The following DOK3 variants were observed in gnomAD, a reference collection of about 807,000 sequenced individuals.
The protein encoded by DOK3 is docking protein 3, also known as Dok-like protein.
A neutral mutation model predicts 26.2 loss-of-function variants in DOK3; 23 were observed. That is an observed-to-expected ratio of 0.88 (90% CI 0.63 to 1.24). The LOEUF is 1.24. DOK3 is among the 50% of genes most tolerant of loss of function. The probability of loss-of-function intolerance (pLI) is 0.00; values close to 1 mark genes in which losing one functional copy is unlikely to be tolerated. For missense variants in DOK3, 619 were observed against 610.6 expected, an observed-to-expected ratio of 1.01 and a Z score of -0.15; for synonymous variants, 268 against 268.2, an observed-to-expected ratio of 1.00 and a Z score of 0.01.
At chr5:177,506,631 G>A (rs1422775940) in intron 3 of DOK3, among the ~76,000 whole-genome samples, 2 of 145,008 alleles carry the variant, frequency 1.4e-5, no homozygotes, top group Non-Finnish European at 3.0e-5. Flanking sequence ...GAACCACTAC[G>A]CCCGGCCCAT....
Position 177,504,008 on chromosome 5 carries a change from C to A in DOK3, c.1298G>T (p.Gly433Val). ...TCAGGGCCGGTCACAAGGGGCTGGG[C>A]CCTTCCTCCGCTCACGACTCAGCAG... Reference protein sequence around the residue: ...VTLLSRERRKGPAPCDRP With the variant: ...VTLLSRERRKVPAPCDRP Residue 433 changes from glycine to valine, a missense_variant, in exon 6 of 6, where the codon GGC (glycine) becomes GTC (valine). Gly to Val is a moderately radical substitution (Grantham distance 109). Coordinates refer to ENST00000510898, the MANE Select transcript of DOK3 (RefSeq NM_001308236.3). 1 of 1,560,664 alleles carries A rather than the reference C, an allele frequency of 6.4e-7. No homozygotes were observed. The highest frequency in any genetic ancestry group is 1.9e-5 in the Admixed American group (1 of 52,570).
intron 3 of DOK3, among the ~76,000 whole-genome samples, chr5:177,505,610 C>T (rs1389482330): frequency 6.6e-6 from 1 of 152,234 alleles, no homozygotes; most frequent in Non-Finnish European, 1.5e-5. Flanking sequence ...GGGTCAAATG[C>T]CACAGCTTCC....
At position 177,504,791 on chromosome 5, in the gene DOK3, G is replaced by A. The variant is rs747383511; in HGVS notation, c.597C>T (p.Ala199=). The part of the protein sequence containing the change: ...IQLREAKGTQ[A]LYSWPYHFLR... The stretch of plus-strand genomic sequence containing the variant: ...GGAAGTGGTAGGGCCAGCTGTAGAG[G>A]GCCTGGGTGCCCTTGGCCTCCCTCA... The change falls in exon 5 of 6, where the codon GCC becomes GCT. Residue 199 remains alanine (A), a synonymous_variant. Transcript: ENST00000510898. 4 of 1,614,010 alleles carry A rather than the reference G, an allele frequency of 2.5e-6. No individual in the cohort carries two copies. In the South Asian group the frequency reaches 4.4e-5, roughly 18 times the overall value.
At chr5:177,504,714 C>G (rs761032821) in intron 5 of DOK3, 29 bp downstream of exon 5, 117 of 1,613,804 alleles carry the variant, frequency 7.2e-5, no homozygotes, top group Non-Finnish European at 9.4e-5. Context: ...GGTGTCAGCC[C>G]CTCACCCTTT....
At chr5:177,505,798 G>A (rs573995304) in intron 3 of DOK3, among the ~76,000 whole-genome samples, 2 of 151,646 alleles carry the variant, frequency 1.3e-5, no homozygotes, top group Admixed American at 6.6e-5. Flanking sequence ...GTGCAGTGGC[G>A]CGATCTTGGC....
chr5:177,508,331 C>G lies in DOK3; in HGVS notation c.278G>C (p.Gly93Ala), dbSNP rs771518601. The change falls in exon 3 of 6, where the codon GGT becomes GCT. Residue 93 changes from glycine (G) to alanine (A), a missense_variant. Gly to Ala is a moderately conservative substitution (Grantham distance 60). Transcript: ENST00000510898. The stretch of plus-strand genomic sequence containing the variant: ...CTCGGTGGTGGTGAGCAGGAAGGCA[C>G]CGGTGTCCCGGGGGCAGCTCTCGCC... ...ADGESCPRDT[G>A]AFLLTTTERS... is the part of the protein sequence containing the mutation. 1.2e-5 allele frequency: 19 copies of G among 1,595,348 alleles called. No homozygotes were observed. The highest frequency in any genetic ancestry group is 8.5e-7 in the Non-Finnish European group (1 of 1,176,326).
rs1490468052 is a variant in DOK3 at position 177,504,633 on chromosome 5, G to A, written c.673C>T (p.Arg225Cys). The change falls in exon 6 of 6, where the codon CGC (arginine) becomes TGC (cysteine). Residue 225 changes from arginine to cysteine, a missense_variant. Arg to Cys is a radical substitution (Grantham distance 180). Coordinates refer to ENST00000510898, the MANE Select transcript of DOK3 (RefSeq NM_001308236.3). ...AAGAGGCCCTCACCCGAGTGGCAGC[G>A]ACGGCCGGCCTCAAAGGAGAACACG... ...KGVFSFEAGR[R>C]CHSGEGLFAF... The A allele has an allele frequency of 1.4e-5, 23 of 1,611,866 alleles. No individual in the cohort carries two copies. The highest frequency in any genetic ancestry group is 1.7e-5 in the Non-Finnish European group (20 of 1,179,600).
At chr5:177,511,054 C>A (rs1375752147), upstream of DOK3, 1 of 152,314 alleles carries the variant, frequency 6.6e-6, no homozygotes, top group Non-Finnish European at 1.5e-5. Context: ...CATCTAGGTC[C>A]TCACAGCTCA....
chr5:177,503,680 A>C lies in DOK3; in HGVS notation c.*303T>G. The C allele has an allele frequency of 1.4e-6, 2 of 1,392,928 alleles. No individual in the cohort carries two copies. The highest frequency in any genetic ancestry group is 5.3e-5 in the East Asian group (2 of 37,466). 86.3% of individuals were successfully genotyped at this position (1,392,928 alleles called of 1,614,324 possible). A position where few individuals can be genotyped will look rare whatever the true frequency, so the allele number is the denominator to read the frequency against. ...AGCCCACGGGTGGCAGGTAAGGCCC[A>C]GGTCACCTGTGCCCCTGGAACCGGC... is the stretch of plus-strand genomic sequence containing the variant. On this transcript the variant is annotated 3_prime_UTR_variant, in exon 6 of 6. Transcript: ENST00000510898.
rs1760314003 is a variant in DOK3, at chr5:177,507,222, G to T, written c.372+1015C>A. Among the ~76,000 whole-genome samples the T allele has an allele frequency of 8.0e-5, 12 of 149,260 alleles. No homozygotes were observed. In the South Asian group the frequency reaches 2.5e-3, roughly 32 times the overall value. On this transcript the variant is annotated intron_variant, in intron 3 of 5. Transcript: ENST00000510898. ...TTTTGAGACAGGGTCTCACTATGTT[G>T]CCCAGGCTGATCTTGAATTCCTAGG...
chr5:177,503,552 A>T lies in DOK3; in HGVS notation c.*431T>A. On this transcript the variant is annotated 3_prime_UTR_variant, in exon 6 of 6. Transcript: ENST00000510898. ...TGCTCCTTCCTGAGTCTGACAAGTA[A>T]GCCTCACAGCTCCCTCCGCCTGCCT... 2.9e-6 allele frequency: 4 copies of T among 1,376,430 alleles called. No individual in the cohort carries two copies. The highest frequency in any genetic ancestry group is 3.8e-6 in the Non-Finnish European group (4 of 1,047,880). The allele number at this position is 1,376,430 out of a possible 1,614,324, so 85.3% of individuals were successfully genotyped here.
rs1310244042 is a variant in DOK3, at chr5:177,509,559, GGCC to G, written c.-22_-20del. The G allele has an allele frequency of 6.2e-7, 1 of 1,609,998 alleles. No individual in the cohort carries two copies. The highest frequency in any genetic ancestry group is 8.5e-7 in the Non-Finnish European group (1 of 1,177,920). On this transcript the variant is annotated 5_prime_UTR_variant, in exon 2 of 6. Transcript: ENST00000510898. Reference sequence around the variant, plus strand: ...GGTCCATGGTCACGGCCAGGAGCAGGGCCGCCGCTTCAAGACCTGGGGAGACTG... The same window carrying G: ...GGTCCATGGTCACGGCCAGGAGCAGGGCCGCTTCAAGACCTGGGGAGACTG...
At chr5:177,505,398 G>A (rs903651822) in intron 3 of DOK3, among the ~76,000 whole-genome samples, 3 of 152,140 alleles carry the variant, frequency 2.0e-5, no homozygotes, top group Non-Finnish European at 4.4e-5. Context: ...CCTGGGCTTG[G>A]CTGGGCCAGC....
intron 3 of DOK3, among the ~76,000 whole-genome samples, chr5:177,507,081 T>A (rs1171919553): frequency 6.6e-6 from 1 of 152,194 alleles, no homozygotes; most frequent in African/African-American, 2.4e-5. Flanking sequence ...CCTGTACCCA[T>A]GAGCAGCCAC....
Position 177,508,337 on chromosome 5 carries a change from T to A in DOK3, c.272A>T (p.Asp91Val). The A allele has an allele frequency of 6.3e-7, 1 of 1,596,900 alleles. No homozygotes were observed. Reference protein sequence around the residue: ...LPADGESCPRDTGAFLLTTTE... With the variant: ...LPADGESCPRVTGAFLLTTTE... ...GGTGGTGAGCAGGAAGGCACCGGTG[T>A]CCCGGGGGCAGCTCTCGCCGTCAGC... Residue 91 changes from aspartate (D) to valine (V), a missense_variant, in exon 3 of 6, where the codon GAC becomes GTC. Asp to Val is a radical substitution (Grantham distance 152). Transcript: ENST00000510898.
Position 177,503,386 on chromosome 5 carries a change from G to C in DOK3, c.*597C>G. 11 of 1,535,654 alleles carry C rather than the reference G, an allele frequency of 7.2e-6. No homozygotes were observed. The highest frequency in any genetic ancestry group is 9.7e-6 in the Non-Finnish European group (11 of 1,134,220). On this transcript the variant is annotated 3_prime_UTR_variant, in exon 6 of 6. Coordinates refer to ENST00000510898, the MANE Select transcript of DOK3 (RefSeq NM_001308236.3). ...AGGAGACTGACGCCTGGGGTTCCCAGAAGTATCTGCAAATTGTTGGAGTTT... is the reference window on the plus strand; with the variant it reads ...AGGAGACTGACGCCTGGGGTTCCCACAAGTATCTGCAAATTGTTGGAGTTT...
intron 2 of DOK3, 172 bp from the exon 3 acceptor site, chr5:177,508,714 T>G: frequency 1.5e-6 from 1 of 654,342 alleles, no homozygotes; most frequent in South Asian, 2.6e-5. Flanking sequence ...TGGTCAGCCC[T>G]GGGTTCAAAT....
chr5:177,510,057 C>T (rs539635748), upstream of DOK3: 105 of 691,290 alleles, frequency 1.5e-4, no homozygotes, highest in Admixed American at 1.8e-3. Flanking sequence ...CTCCACCTCA[C>T]GAGCCACTGA....
In DOK3 at chr5:177,503,486, T is replaced by TCCCA. The variant is rs1759578535; in HGVS notation, c.*493_*496dup. 6.9e-7 allele frequency: 1 copy of TCCCA among 1,451,168 alleles called. No homozygotes were observed. The highest frequency in any genetic ancestry group is 1.5e-5 in the South Asian group (1 of 68,524). The allele number at this position is 1,451,168 out of a possible 1,614,324, so 89.9% of individuals were successfully genotyped here. A position where few individuals can be genotyped will look rare whatever the true frequency, so the allele number is the denominator to read the frequency against. On this transcript the variant is annotated 3_prime_UTR_variant, in exon 6 of 6. Transcript: ENST00000510898. Reference sequence around the variant, plus strand: ...CCTGCACCCCGCCCCCACTGCCTCCTCCCAGCTCGGGCCTCCGGGTCTCCA... The same window carrying TCCCA: ...CCTGCACCCCGCCCCCACTGCCTCCTCCCACCCAGCTCGGGCCTCCGGGTCTCCA...
Sources: gnomAD v4.1 joint callset for allele counts (sites outside exome capture counted in the v4.1 genomes callset) on GRCh38, gnomAD v4.1.1 for gene constraint, MANE v1.5 for transcripts, NCBI Gene and HGNC (gene_info 2026-07-23, HGNC 2026-07-21) for gene names.